Variants in TNC observed in about 807,000 individuals in gnomAD.
The protein encoded by TNC is tenascin.
A neutral mutation model predicts 202.4 loss-of-function variants in TNC; 109 were observed. That is an observed-to-expected ratio of 0.54 (90% CI 0.46 to 0.63). TNC has a LOEUF of 0.63. Among genes scored for constraint, TNC ranks in the 30% least tolerant of loss-of-function variants. The pLI is 0.00. For synonymous variants in TNC, 1,007 were observed against 1,089.7 expected (o/e 0.92, Z 1.50); for missense variants, 2,756 against 2,833.3 (o/e 0.97, Z 0.62).
At chr9:115,064,163 G>T in intron 11 of TNC, 95 bp from the exon 12 acceptor site, 1 of 1,281,826 alleles carries the variant, frequency 7.8e-7, no homozygotes, top group Non-Finnish European at 1.1e-6. Flanking sequence ...TAATATTACT[G>T]AAAAAATGTG....
intron 16 of TNC, among the ~76,000 whole-genome samples, chr9:115,048,051 C>T (rs568528202): frequency 6.6e-6 from 1 of 152,122 alleles, no homozygotes; most frequent in Non-Finnish European, 1.5e-5. Flanking sequence ...AGAAATATTT[C>T]GACCTTCTCA....
chr9:115,104,205 T>A (rs1836440767), intron 1 of TNC, among the ~76,000 whole-genome samples: 1 of 152,236 alleles, frequency 6.6e-6, no homozygotes, highest in South Asian at 2.1e-4. Flanking sequence ...TATTTTGGTC[T>A]TCATCCAGAA....
Position 115,041,007 on chromosome 9 carries a change from G to A in TNC, c.5326C>T (p.Leu1776Phe). The change falls in exon 19 of 28, where the codon CTT (leucine) becomes TTT (phenylalanine). Residue 1776 changes from leucine to phenylalanine, a missense_variant. Physicochemically the swap from Leu to Phe is conservative, Grantham distance 22. This residue lies in a region of TNC where 2,559 missense variants were observed against 2,546.0 expected (regional missense o/e 1.01). Coordinates refer to ENST00000350763, the MANE Select transcript of TNC (RefSeq NM_002160.4). ...LVKLIPGVEY[L>F]VSIIAMKGFE... The stretch of plus-strand genomic sequence containing the variant: ...CCCTTCATGGCGATGATGCTGACAA[G>A]GTACTCCACGCCAGGTATGAGTTTC... 6.2e-7 allele frequency: 1 copy of A among 1,614,042 alleles called. No homozygotes were observed. Among genetic ancestry groups the A allele is most frequent in the Non-Finnish European group, 8.5e-7 (1 of 1,180,002 alleles).
At position 115,021,251 on chromosome 9, in the gene TNC, T is replaced by C; in HGVS notation, c.6512A>G (p.His2171Arg). ...NNHSQGVNWF[H>R]WKGHEHSIQF... The stretch of plus-strand genomic sequence containing the variant: ...GATTGAGTGTTCGTGGCCCTTCCAG[T>C]GGAACCAGTTAACGCCCTGTTAAAA... Residue 2171 changes from histidine to arginine, a missense_variant, in exon 28 of 28, where the codon CAC (histidine) becomes CGC (arginine). Coordinates refer to ENST00000350763, the MANE Select transcript of TNC (RefSeq NM_002160.4). The C allele has an allele frequency of 6.2e-7, 1 of 1,607,900 alleles. No individual in the cohort carries two copies. The highest frequency in any genetic ancestry group is 8.5e-7 in the Non-Finnish European group (1 of 1,178,416).
At chr9:115,066,681 A>C (rs1056570489) in intron 10 of TNC, among the ~76,000 whole-genome samples, 4 of 152,232 alleles carry the variant, frequency 2.6e-5, no homozygotes, top group Admixed American at 6.5e-5. Context: ...GGTAGTCAGC[A>C]AGCTAACAAC....
intron 2 of TNC, among the ~76,000 whole-genome samples, chr9:115,087,703 T>TC (rs199906244): frequency 0.26 from 21,100 of 81,802 alleles, 1,915 homozygotes; most frequent in South Asian, 0.32. Flanking sequence ...CTTTTCTTTT[T>TC]TTTTTTTTTT....
intron 10 of TNC, among the ~76,000 whole-genome samples, chr9:115,072,663 G>A (rs986006906): frequency 6.6e-6 from 1 of 152,122 alleles, no homozygotes; most frequent in East Asian, 1.9e-4. Context: ...CAAGCACTAT[G>A]AGCAGGCACA....
chr9:115,053,551 A>T (rs2132332079), intron 15 of TNC, among the ~76,000 whole-genome samples: 1 of 152,364 alleles, frequency 6.6e-6, no homozygotes, highest in Non-Finnish European at 1.5e-5. Context: ...CCCAAATTTC[A>T]TAAACTTATT....
intron 25 of TNC, among the ~76,000 whole-genome samples, chr9:115,029,038 A>G (rs1285281113): frequency 1.3e-3 from 193 of 145,764 alleles, no homozygotes; most frequent in African/African-American, 4.9e-3. Flanking sequence ...ATCTCTGGAA[A>G]AAAAAAAAAA....
In TNC at chr9:115,064,736, C is replaced by T. The variant is rs1832811287; in HGVS notation, c.3398G>A (p.Gly1133Asp). The T allele has an allele frequency of 6.2e-7, 1 of 1,614,202 alleles. No homozygotes were observed. The highest frequency in any genetic ancestry group is 8.5e-7 in the Non-Finnish European group (1 of 1,180,034). ...TGTATAAGGCGTAGCAGCCTTGAGGCCCGGTATGTCCACAGCCCGAAGGCT... is the reference window on the plus strand; with the variant it reads ...TGTATAAGGCGTAGCAGCCTTGAGGTCCGGTATGTCCACAGCCCGAAGGCT... ...PGSLRAVDIP[G>D]LKAATPYTVS... Residue 1133 changes from glycine to aspartate, a missense_variant, in exon 11 of 28, where the codon GGC (glycine) becomes GAC (aspartate). Gly to Asp is a moderately conservative substitution (Grantham distance 94, BLOSUM62 -1). This residue lies in a region of TNC where 2,559 missense variants were observed against 2,546.0 expected (regional missense o/e 1.01). Transcript: ENST00000350763.
chr9:115,099,596 C>G (rs999713319), intron 1 of TNC, among the ~76,000 whole-genome samples: 1 of 152,156 alleles, frequency 6.6e-6, no homozygotes, highest in Non-Finnish European at 1.5e-5. Flanking sequence ...CCTTAATTTT[C>G]ACATCTGTAA....
intron 10 of TNC, 118 bp from the exon 11 acceptor site, chr9:115,065,037 G>T: frequency 2.5e-6 from 3 of 1,198,928 alleles, no homozygotes; most frequent in Admixed American, 2.3e-5. Context: ...CAAGTGCCAG[G>T]CTTTGTTCAC....
In TNC at chr9:115,024,988, G is replaced by A. The variant is rs191583477; in HGVS notation, c.6332-852C>T. On this transcript the variant is annotated intron_variant, in intron 26 of 27. Coordinates refer to ENST00000350763, the MANE Select transcript of TNC (RefSeq NM_002160.4). The stretch of plus-strand genomic sequence containing the variant: ...AAGGAACCCAGATACCTTTTTAACT[G>A]ATGATGCTACCCAGAGCATGAGGAC... Among the ~76,000 whole-genome samples, 88 of 152,308 alleles carry A rather than the reference G, an allele frequency of 5.8e-4. 2 individuals carry two copies. Among genetic ancestry groups the A allele is most frequent in the Admixed American group, 3.1e-3 (47 of 15,308 alleles).
At chr9:115,032,768 G>A (rs1830044608) in intron 22 of TNC, among the ~76,000 whole-genome samples, 1 of 152,210 alleles carries the variant, frequency 6.6e-6, no homozygotes. Flanking sequence ...AGATATCCAT[G>A]ACAGACAGAT....
At chr9:115,107,361 G>T (rs543613121) in intron 1 of TNC, among the ~76,000 whole-genome samples, 1 of 152,274 alleles carries the variant, frequency 6.6e-6, no homozygotes, top group East Asian at 1.9e-4. Context: ...AAAATAGGCT[G>T]CCACCCTATG....
At chr9:115,111,399 C>CTCTTTTTTTTTTTTTTT (rs1174066886) in intron 1 of TNC, among the ~76,000 whole-genome samples, 7 of 71,340 alleles carry the variant, frequency 9.8e-5, no homozygotes, top group African/African-American at 4.2e-4. Flanking sequence ...CTCTCTCTCT[C>CTCTTTTTTTTTTTTTTT]TTTTTTTTTT....
In TNC at chr9:115,036,085, AGT is replaced by A. The variant is rs1357210700; in HGVS notation, c.5656+11_5656+12del. 1 of 1,613,868 alleles carries A rather than the reference AGT, an allele frequency of 6.2e-7. No individual in the cohort carries two copies. The highest frequency in any genetic ancestry group is 1.3e-5 in the African/African-American group (1 of 74,930). On this transcript the variant is annotated intron_variant, in intron 21 of 27. Coordinates refer to ENST00000350763, the MANE Select transcript of TNC (RefSeq NM_002160.4). ...CCAGAAGGGAGAGCTTCCAGCTCTC[AGT>A]GTCTTTGTACCTGTTGTGAACTTGG...
At position 115,072,627 on chromosome 9, in the gene TNC, T is replaced by C. The variant is rs539499922; in HGVS notation, c.3214+976A>G. On this transcript the variant is annotated intron_variant, in intron 10 of 27. Transcript: ENST00000350763. Reference sequence around the variant, plus strand: ...ATCACTCTTTTTCTCGAGTTCTGTCTAGCATTCTGAGTATCTAGTCTTCCG... The same window carrying C: ...ATCACTCTTTTTCTCGAGTTCTGTCCAGCATTCTGAGTATCTAGTCTTCCG... 2.0e-5 allele frequency among the ~76,000 whole-genome samples: 3 copies of C among 152,308 alleles called. No homozygotes were observed. The South Asian group carries it at 6.2e-4, about 32-fold the overall frequency.
intron 15 of TNC, among the ~76,000 whole-genome samples, chr9:115,056,020 A>G (rs1176961282): frequency 6.6e-6 from 1 of 152,126 alleles, no homozygotes; most frequent in Non-Finnish European, 1.5e-5. Context: ...TCCATGGATC[A>G]CCCTGACGAC....
Sources: gnomAD v4.1 joint callset for allele counts (sites outside exome capture counted in the v4.1 genomes callset) on GRCh38, gnomAD v4.1.1 for gene constraint, gnomAD v4.1.1 regional missense constraint, MANE v1.5 for transcripts, NCBI Gene and HGNC (gene_info 2026-07-23, HGNC 2026-07-21) for gene names.